KCNIP1: variants seen among roughly 807,000 people sequenced by gnomAD.
KCNIP1 encodes the protein potassium voltage-gated channel interacting protein 1.
A neutral mutation model predicts 33.0 loss-of-function variants in KCNIP1; 18 were observed. The observed-to-expected ratio is 0.55, with a 90% CI of 0.38 to 0.81. The LOEUF is 0.81. Among genes scored for constraint, KCNIP1 ranks in the 30% least tolerant of loss-of-function variants. The pLI is 0.00. For missense variants in KCNIP1, 238 were observed against 271.6 expected (o/e 0.88, Z 0.87); for synonymous variants, 93 against 98.3 (o/e 0.95, Z 0.32).
At chr5:170,511,846 C>T (rs761539978) in intron 1 of KCNIP1, among the ~76,000 whole-genome samples, 9 of 152,226 alleles carry the variant, frequency 5.9e-5, no homozygotes, top group Non-Finnish European at 8.8e-5. Context: ...CTAACCTCCT[C>T]TCCTCCTGGC....
intron 1 of KCNIP1, among the ~76,000 whole-genome samples, chr5:170,513,712 T>C (rs1288389768): frequency 6.6e-6 from 1 of 152,196 alleles, no homozygotes; most frequent in Non-Finnish European, 1.5e-5. Flanking sequence ...ATTTCACTGA[T>C]AATGTTCAGA....
At chr5:170,690,712 C>G (rs1344542363) in intron 1 of KCNIP1, among the ~76,000 whole-genome samples, 7 of 152,214 alleles carry the variant, frequency 4.6e-5, no homozygotes, top group African/African-American at 1.7e-4. Context: ...ACATCAGTGC[C>G]CTCTCTAGGC....
At chr5:170,368,647 T>C (rs1024102115) in intron 1 of KCNIP1, among the ~76,000 whole-genome samples, 1 of 152,190 alleles carries the variant, frequency 6.6e-6, no homozygotes, top group Admixed American at 6.5e-5. Context: ...AAACATATCA[T>C]TCACTAAATA....
At chr5:170,413,888 T>C (rs998415064) in intron 1 of KCNIP1, among the ~76,000 whole-genome samples, 5 of 148,710 alleles carry the variant, frequency 3.4e-5, no homozygotes, top group Admixed American at 2.7e-4. Flanking sequence ...GTTCCCCTGG[T>C]CTTGTCCAAC....
intron 1 of KCNIP1, among the ~76,000 whole-genome samples, chr5:170,464,518 A>G (rs969720274): frequency 2.0e-5 from 3 of 152,238 alleles, no homozygotes; most frequent in African/African-American, 7.2e-5. Flanking sequence ...CAGTGAAAAC[A>G]TTGAACTGAG....
chr5:170,369,914 A>T (rs890959767), intron 1 of KCNIP1, among the ~76,000 whole-genome samples: 1 of 152,206 alleles, frequency 6.6e-6, no homozygotes, highest in African/African-American at 2.4e-5. Context: ...ACTCTCAAGG[A>T]AGCTGGTCCT....
At chr5:170,397,242 G>T (rs1720413411) in intron 1 of KCNIP1, among the ~76,000 whole-genome samples, 1 of 152,160 alleles carries the variant, frequency 6.6e-6, no homozygotes, top group Non-Finnish European at 1.5e-5. Context: ...CAATCAAGCG[G>T]CTTAGCATTC....
At chr5:170,680,540 G>A (rs1395421893) in intron 1 of KCNIP1, 1 of 152,224 alleles carries the variant, frequency 6.6e-6, no homozygotes, top group East Asian at 1.9e-4. Flanking sequence ...AGTTTCCAGG[G>A]ACATTTCACT....
At chr5:170,503,452 G>A (rs1192808114), upstream of KCNIP1, among the ~76,000 whole-genome samples, 1 of 151,866 alleles carries the variant, frequency 6.6e-6, no homozygotes, top group East Asian at 1.9e-4. Context: ...GGGGCTGAGG[G>A]CTCCTTTCTC....
At chr5:170,613,092 G>A (rs1759236560) in intron 1 of KCNIP1, among the ~76,000 whole-genome samples, 1 of 152,226 alleles carries the variant, frequency 6.6e-6, no homozygotes. Context: ...TGATCCCTTT[G>A]TTCCCAATGC....
At chr5:170,572,754 A>G (rs1222778407) in intron 1 of KCNIP1, among the ~76,000 whole-genome samples, 4 of 152,230 alleles carry the variant, frequency 2.6e-5, no homozygotes, top group Non-Finnish European at 5.9e-5. Context: ...AGGTTGCTGC[A>G]CATGTTTCTG....
intron 1 of KCNIP1, among the ~76,000 whole-genome samples, chr5:170,590,214 C>A (rs867598974): frequency 1.4e-4 from 22 of 152,184 alleles, no homozygotes; most frequent in Admixed American, 7.8e-4. Context: ...CCAGGACCTA[C>A]CCTCAGAGAG....
At chr5:170,428,823 G>A (rs1018708123) in intron 1 of KCNIP1, among the ~76,000 whole-genome samples, 1 of 152,064 alleles carries the variant, frequency 6.6e-6, no homozygotes, top group Non-Finnish European at 1.5e-5. Flanking sequence ...GCCCAGCTGC[G>A]GGTGGTGCTA....
intron 1 of KCNIP1, among the ~76,000 whole-genome samples, chr5:170,559,093 A>G (rs6879601): frequency 0.088 from 13,468 of 152,218 alleles, 1,914 homozygotes; most frequent in African/African-American, 0.29. Flanking sequence ...CTACTGTTGA[A>G]AATCCTCTTC....
At chr5:170,366,884 C>T (rs1763677573) in intron 1 of KCNIP1, among the ~76,000 whole-genome samples, 1 of 152,224 alleles carries the variant, frequency 6.6e-6, no homozygotes, top group African/African-American at 2.4e-5. Context: ...TCTGCACTCT[C>T]CCCTTCATGG....
rs1311169661 is a variant in KCNIP1, at chr5:170,444,698, T to TA, written c.88+90734_88+90735insA. Among the ~76,000 whole-genome samples the TA allele has an allele frequency of 4.3e-3, 618 of 142,268 alleles. 5 individuals are homozygous for TA. Among genetic ancestry groups the TA allele is most frequent in the African/African-American group, 4.1e-3 (157 of 38,610 alleles). The allele number at this position is 142,268 out of a possible 152,430, so 93.3% of individuals were successfully genotyped here. On this transcript the variant is annotated intron_variant, in intron 1 of 7. Coordinates refer to the KCNIP1 transcript ENST00000377360. ...TCTACAAATTATATTTTTTCTTTTTTTAAAAAAAAAAAAAAACCTTCTTCC... is the reference window on the plus strand; with the variant it reads ...TCTACAAATTATATTTTTTCTTTTTTATAAAAAAAAAAAAAAACCTTCTTCC...
At chr5:170,501,820 C>G (rs1757418861), upstream of KCNIP1, among the ~76,000 whole-genome samples, 1 of 152,202 alleles carries the variant, frequency 6.6e-6, no homozygotes, top group Admixed American at 6.5e-5. Flanking sequence ...TCCTGGATAT[C>G]CCACTGGGTC....
At chr5:170,453,653 G>A (rs1014185658) in intron 1 of KCNIP1, among the ~76,000 whole-genome samples, 4 of 152,182 alleles carry the variant, frequency 2.6e-5, no homozygotes, top group African/African-American at 9.7e-5. Context: ...GGAATATGGC[G>A]GAGGTGGTGG....
chr5:170,715,895 A>G (rs1446894898), intron 1 of KCNIP1, among the ~76,000 whole-genome samples: 3 of 152,194 alleles, frequency 2.0e-5, no homozygotes, highest in African/African-American at 7.2e-5. Flanking sequence ...ACTGTCAAGG[A>G]GGCTCCCCAC....
Sources: gnomAD v4.1 joint callset for allele counts (sites outside exome capture counted in the v4.1 genomes callset) on GRCh38, gnomAD v4.1.1 for gene constraint, MANE v1.5 for transcripts, NCBI Gene and HGNC (gene_info 2026-07-23, HGNC 2026-07-21) for gene names.